The following ABLIM1 variants were observed in gnomAD, a reference collection of about 807,000 sequenced individuals.
ABLIM1 encodes the protein actin-binding LIM protein 1.
In ABLIM1, 40 loss-of-function variants were observed where a neutral mutation model predicts 107.0. The observed-to-expected ratio is 0.37, with a 90% CI of 0.29 to 0.49. The LOEUF (loss-of-function observed/expected upper bound fraction) is 0.49, where lower values mean the gene tolerates loss of function less well. ABLIM1 is among the 20% of genes least tolerant of loss of function. The probability of loss-of-function intolerance (pLI) is 0.97; values close to 1 mark genes in which losing one functional copy is unlikely to be tolerated. For synonymous variants in ABLIM1, 357 were observed against 357.3 expected (o/e 1.00, Z 0.01); for missense variants, 857 against 1,008.5 (o/e 0.85, Z 2.04).
intron 6 of ABLIM1, among the ~76,000 whole-genome samples, chr10:114,529,260 G>T (rs1414623477): frequency 6.6e-6 from 1 of 151,956 alleles, no homozygotes; most frequent in Non-Finnish European, 1.5e-5. Context: ...AAGTAGCTGG[G>T]ACTACAGGCA....
intron 1 of ABLIM1, among the ~76,000 whole-genome samples, chr10:114,743,214 G>T (rs2082321415): frequency 6.6e-6 from 1 of 152,202 alleles, no homozygotes; most frequent in African/African-American, 2.4e-5. Context: ...ATAGCTTCTA[G>T]AATTAATGGT....
At chr10:114,726,843 C>T (rs1007085483) in intron 1 of ABLIM1, among the ~76,000 whole-genome samples, 17 of 151,988 alleles carry the variant, frequency 1.1e-4, no homozygotes, top group Admixed American at 8.5e-4. Flanking sequence ...ATGAGAAATC[C>T]GCCCCCATGA....
chr10:114,459,205 C>A (rs1037923779), intron 12 of ABLIM1, among the ~76,000 whole-genome samples: 2 of 152,224 alleles, frequency 1.3e-5, no homozygotes, highest in Non-Finnish European at 2.9e-5. Flanking sequence ...AGATGGACAT[C>A]CTACCTTAGG....
chr10:114,740,739 G>A (rs1244652622), intron 1 of ABLIM1, among the ~76,000 whole-genome samples: 1 of 152,010 alleles, frequency 6.6e-6, no homozygotes, highest in Non-Finnish European at 1.5e-5. Flanking sequence ...TATGAAAGCA[G>A]TCTTTAGAAA....
At chr10:114,716,933 G>C (rs2081681495) in intron 1 of ABLIM1, among the ~76,000 whole-genome samples, 1 of 151,530 alleles carries the variant, frequency 6.6e-6, no homozygotes, top group East Asian at 1.9e-4. Flanking sequence ...ACACAGAGCT[G>C]ACATGGAACT....
At chr10:114,549,518 G>A (rs1156631356) in intron 4 of ABLIM1, among the ~76,000 whole-genome samples, 6 of 151,942 alleles carry the variant, frequency 3.9e-5, no homozygotes, top group South Asian at 2.1e-4. Context: ...AGTTTAACCC[G>A]TTCTTTTTCT....
chr10:114,468,346 T>TTACTGCAATCTCGGC, intron 10 of ABLIM1, 130 bp from the exon 11 acceptor site: 1 of 798,860 alleles, frequency 1.3e-6, no homozygotes, highest in East Asian at 2.8e-5. Context: ...GCAATCTCGG[T>TTACTGCAATCTCGGC]TTACTGCAAT....
At chr10:114,782,878 G>A in the ABLIM1 span, among the ~76,000 whole-genome samples, 1 of 152,140 alleles carries the variant, frequency 6.6e-6, no homozygotes, top group South Asian at 2.1e-4. Context: ...ACATGAGGCT[G>A]AGGAATAGGG....
intron 8 of ABLIM1, among the ~76,000 whole-genome samples, chr10:114,481,406 G>C (rs1361456379): frequency 1.3e-5 from 2 of 151,008 alleles, no homozygotes; most frequent in East Asian, 3.9e-4. Context: ...ATGATCTTAT[G>C]AACACTGATG....
At chr10:114,538,465 G>C (rs766950492) in intron 6 of ABLIM1, among the ~76,000 whole-genome samples, 6 of 152,156 alleles carry the variant, frequency 3.9e-5, no homozygotes, top group Non-Finnish European at 8.8e-5. Flanking sequence ...GGCTCCATCT[G>C]AGGCTCTTTC....
At chr10:114,589,841 T>C (rs2074660623) in intron 2 of ABLIM1, among the ~76,000 whole-genome samples, 1 of 152,168 alleles carries the variant, frequency 6.6e-6, no homozygotes, top group African/African-American at 2.4e-5. Context: ...AGAAAAACAT[T>C]ATTTATAAAT....
chr10:114,534,548 G>A (rs2065792235), intron 6 of ABLIM1, among the ~76,000 whole-genome samples: 1 of 152,010 alleles, frequency 6.6e-6, no homozygotes. Context: ...TTTCAGCTTG[G>A]ATACTCCATG....
intron 1 of ABLIM1, among the ~76,000 whole-genome samples, chr10:114,646,883 A>T (rs1320339505): frequency 6.6e-6 from 1 of 152,250 alleles, no homozygotes; most frequent in Non-Finnish European, 1.5e-5. Flanking sequence ...AGTTCAGTTG[A>T]AGTATTACTA....
At chr10:114,581,542 G>C (rs1039703335) in intron 2 of ABLIM1, among the ~76,000 whole-genome samples, 4 of 152,178 alleles carry the variant, frequency 2.6e-5, no homozygotes, top group African/African-American at 9.7e-5. Context: ...TTGTGCTACT[G>C]CTCTCATACA....
intron 6 of ABLIM1, among the ~76,000 whole-genome samples, chr10:114,496,764 C>T (rs1163515953): frequency 1.3e-5 from 2 of 152,212 alleles, no homozygotes; most frequent in Admixed American, 1.3e-4. Context: ...TCCCAAGATG[C>T]TGAACATGTC....
intron 12 of ABLIM1, among the ~76,000 whole-genome samples, chr10:114,461,590 G>A (rs1317763319): frequency 2.0e-5 from 3 of 152,042 alleles, no homozygotes; most frequent in Non-Finnish European, 2.9e-5. Context: ...AGGTCAAGGC[G>A]GGTGGATCAC....
At chr10:114,732,758 T>G (rs2082103056) in intron 1 of ABLIM1, among the ~76,000 whole-genome samples, 1 of 152,216 alleles carries the variant, frequency 6.6e-6, no homozygotes, top group South Asian at 2.1e-4. Context: ...AAGGAAAAGA[T>G]TAATAAATTA....
At chr10:114,716,110 C>G (rs2081654858) in intron 1 of ABLIM1, among the ~76,000 whole-genome samples, 1 of 152,130 alleles carries the variant, frequency 6.6e-6, no homozygotes, top group South Asian at 2.1e-4. Context: ...AAGGAAATCT[C>G]TCTGGCACTC....
intron 1 of ABLIM1, among the ~76,000 whole-genome samples, chr10:114,705,916 C>G (rs573960500): frequency 6.6e-6 from 1 of 152,274 alleles, no homozygotes; most frequent in Admixed American, 6.5e-5. Context: ...TAATACATTT[C>G]ACCAGGTGAA....
Sources: allele counts gnomAD v4.1 joint callset (sites outside exome capture counted in the v4.1 genomes callset), GRCh38; gene constraint gnomAD v4.1.1; transcripts MANE v1.5; gene names NCBI Gene and HGNC (gene_info 2026-07-23, HGNC 2026-07-21).